SLC4A8: variants seen among roughly 807,000 people sequenced by gnomAD.
SLC4A8 encodes electroneutral sodium bicarbonate exchanger 1.
A neutral mutation model predicts 125.0 loss-of-function variants in SLC4A8; 40 were observed. The observed-to-expected ratio is 0.32, with a 90% confidence interval of 0.25 to 0.42. SLC4A8 has a LOEUF of 0.42. Ranked by LOEUF, SLC4A8 falls within the 10% of genes least tolerant of loss-of-function variation. The pLI, the probability that SLC4A8 is intolerant of heterozygous loss-of-function variation, is 1.00. For synonymous variants in SLC4A8, 456 were observed against 476.0 expected (o/e 0.96, Z 0.55); for missense variants, 863 against 1,355.1 (o/e 0.64, Z 5.70).
At chr12:51,421,647 TC>T (rs1376146738), upstream of SLC4A8, among the ~76,000 whole-genome samples, 2 of 152,180 alleles carry the variant, frequency 1.3e-5, no homozygotes, top group African/African-American at 4.8e-5. Context: ...TGTGGGCACA[TC>T]TTTCCTTTGG....
chr12:51,502,185 T>A (rs1290692677), intron 22 of SLC4A8: 2 of 152,288 alleles, frequency 1.3e-5, no homozygotes, highest in East Asian at 3.9e-4. Flanking sequence ...AGATTAGAAA[T>A]GATTCTCTGA....
intron 23 of SLC4A8, among the ~76,000 whole-genome samples, chr12:51,505,420 A>C (rs191307699): frequency 1.7e-3 from 258 of 152,374 alleles, no homozygotes; most frequent in African/African-American, 5.6e-3. Context: ...TTTGTGAACT[A>C]TGAATAGAAG....
chr12:51,427,272 G>A (rs1038085765), intron 1 of SLC4A8, among the ~76,000 whole-genome samples: 3 of 152,138 alleles, frequency 2.0e-5, no homozygotes, highest in Non-Finnish European at 4.4e-5. Context: ...TTTGGCTGCA[G>A]TGGGGAGAAT....
At chr12:51,423,993 G>A (rs11169837), upstream of SLC4A8, among the ~76,000 whole-genome samples, 13,156 of 124,294 alleles carry the variant, frequency 0.11, 693 homozygotes, top group East Asian at 0.26. Context: ...CCAAGAACAC[G>A]CCATTGCACT....
chr12:51,474,998 A>G (rs1417437442), intron 15 of SLC4A8, 47 bp from the exon 16 acceptor site: 13 of 1,556,610 alleles, frequency 8.4e-6, no homozygotes, highest in Non-Finnish European at 1.1e-5. Flanking sequence ...ACAGCTATTT[A>G]TTTGGTTGTG....
At chr12:51,476,166 T>C (rs1391862720) in intron 16 of SLC4A8, among the ~76,000 whole-genome samples, 1 of 152,220 alleles carries the variant, frequency 6.6e-6, no homozygotes, top group Non-Finnish European at 1.5e-5. Flanking sequence ...AGAAATACAT[T>C]GTGTATTTGT....
In SLC4A8 at chr12:51,470,475, A is replaced by G; in HGVS notation, c.1608A>G (p.Gly536=). The change falls in exon 13 of 25, where the codon GGA becomes GGG. Residue 536 remains glycine, a synonymous_variant. Transcript: ENST00000453097. The part of the protein sequence containing the change: ...LFAGQALTIL[G]STGPVLVFEK... Reference sequence around the variant, plus strand: ...CGGGACAGGCTCTCACCATCCTGGGAAGTACTGGACCAGTGCTTGTGTTTG... The same window carrying G: ...CGGGACAGGCTCTCACCATCCTGGGGAGTACTGGACCAGTGCTTGTGTTTG... 1 of 1,613,806 alleles carries G rather than the reference A, an allele frequency of 6.2e-7. No individual in the cohort carries two copies. Among genetic ancestry groups the G allele is most frequent in the Non-Finnish European group, 8.5e-7 (1 of 1,179,704 alleles).
At chr12:51,427,025 G>A (rs1027187188) in intron 1 of SLC4A8, among the ~76,000 whole-genome samples, 1 of 146,464 alleles carries the variant, frequency 6.8e-6, no homozygotes, top group Non-Finnish European at 1.5e-5. Flanking sequence ...TACAAGCTCC[G>A]TCTCCCAGGT....
At chr12:51,473,641 G>A (rs1950773543) in intron 14 of SLC4A8, among the ~76,000 whole-genome samples, 1 of 152,192 alleles carries the variant, frequency 6.6e-6, no homozygotes, top group Non-Finnish European at 1.5e-5. Context: ...TGACCATATT[G>A]GGAGCCAGGT....
At chr12:51,444,145 C>T (rs1949692885) in intron 2 of SLC4A8, among the ~76,000 whole-genome samples, 1 of 152,032 alleles carries the variant, frequency 6.6e-6, no homozygotes, top group South Asian at 2.1e-4. Flanking sequence ...AAGACGGGGG[C>T]AAAGAGCGGT....
Position 51,398,222 on chromosome 12 carries a change from G to A in SLC4A8, c.-112+6734G>A, listed in dbSNP as rs1948302655. Among the ~76,000 whole-genome samples the A allele has an allele frequency of 1.3e-5, 2 of 152,140 alleles. 1 individual carries two copies. The highest frequency in any genetic ancestry group is 1.3e-4 in the Admixed American group (2 of 15,280). Reference sequence around the variant, plus strand: ...ATGATCCTCAGAAAAGTTTTCTAGTGTTCTCTCTCCTAATCTTTACAGCTC... The same window carrying A: ...ATGATCCTCAGAAAAGTTTTCTAGTATTCTCTCTCCTAATCTTTACAGCTC... On this transcript the variant is annotated intron_variant, in intron 1 of 24. Coordinates refer to the SLC4A8 transcript ENST00000358657.
intron 1 of SLC4A8, among the ~76,000 whole-genome samples, chr12:51,400,832 ATAAACATATATGT>A (rs1948376762): frequency 2.9e-5 from 4 of 137,220 alleles, no homozygotes; most frequent in Admixed American, 2.9e-4. Flanking sequence ...ATATACGTAT[ATAAACATATATGT>A]TTATATACGT....
rs1950273002 is a variant in SLC4A8, at chr12:51,460,000, A to G, written c.905A>G (p.Asn302Ser). The G allele has an allele frequency of 1.2e-6, 2 of 1,613,790 alleles. No individual in the cohort carries two copies. Among genetic ancestry groups the G allele is most frequent in the Admixed American group, 1.7e-5 (1 of 60,028 alleles). ...KKIPTGAEAS[N>S]VLVGEVDILD... Reference sequence around the variant, plus strand: ...ATTCCTACTGGGGCCGAGGCCTCCAATGTCCTGGTTGGAGAGGTGGATATT... The same window carrying G: ...ATTCCTACTGGGGCCGAGGCCTCCAGTGTCCTGGTTGGAGAGGTGGATATT... Residue 302 changes from asparagine (N) to serine (S), a missense_variant, in exon 8 of 25, where the codon AAT becomes AGT. This residue lies in a region of SLC4A8 where 390 missense variants were observed against 634.4 expected (regional missense o/e 0.61). Coordinates refer to ENST00000453097, the MANE Select transcript of SLC4A8 (RefSeq NM_001039960.3).
At chr12:51,492,671 T>G (rs1280970147) in intron 19 of SLC4A8, among the ~76,000 whole-genome samples, 1 of 152,178 alleles carries the variant, frequency 6.6e-6, no homozygotes, top group Non-Finnish European at 1.5e-5. Flanking sequence ...ATTTTCTAAT[T>G]TTTTGTTTTT....
chr12:51,422,659 C>T (rs1195861925), upstream of SLC4A8, among the ~76,000 whole-genome samples: 1 of 152,208 alleles, frequency 6.6e-6, no homozygotes, highest in Non-Finnish European at 1.5e-5. Context: ...CATGCCCAGC[C>T]CACAGCCTTT....
intron 19 of SLC4A8, among the ~76,000 whole-genome samples, chr12:51,493,085 G>A (rs943914013): frequency 1.3e-5 from 2 of 151,954 alleles, no homozygotes; most frequent in African/African-American, 4.8e-5. Context: ...TGATTCTATA[G>A]GCCCAATTTC....
chr12:51,428,220 AGATG>A (rs1293710983), intron 1 of SLC4A8, among the ~76,000 whole-genome samples: 1 of 152,144 alleles, frequency 6.6e-6, no homozygotes, highest in African/African-American at 2.4e-5. Context: ...ACTCTCTTTA[AGATG>A]GTCCTGTTTT....
At chr12:51,465,860 C>G (rs1001674383) in intron 11 of SLC4A8, among the ~76,000 whole-genome samples, 1 of 152,192 alleles carries the variant, frequency 6.6e-6, no homozygotes, top group East Asian at 1.9e-4. Flanking sequence ...AAATGTGAGT[C>G]TTTTTTGTAT....
chr12:51,471,727 C>CGACT, intron 14 of SLC4A8, 195 bp downstream of exon 14: 1 of 601,602 alleles, frequency 1.7e-6, no homozygotes, highest in East Asian at 2.8e-5. Context: ...CAGAGAAGAT[C>CGACT]GACTAGAAGT....
Sources: allele counts gnomAD v4.1 joint callset (sites outside exome capture counted in the v4.1 genomes callset), GRCh38; gene constraint gnomAD v4.1.1; regional missense constraint gnomAD v4.1.1; transcripts MANE v1.5; gene names NCBI Gene and HGNC (gene_info 2026-07-23, HGNC 2026-07-21).